The following CACUL1 variants were observed in gnomAD, a reference collection of about 807,000 sequenced individuals.
The protein encoded by CACUL1 is CDK2-associated and cullin domain-containing protein 1.
In CACUL1, 13 loss-of-function variants were observed where a neutral mutation model predicts 45.2. The ratio of observed to expected loss-of-function variants is 0.29; its 90% confidence interval spans 0.19 to 0.46. CACUL1 has a LOEUF of 0.46. Ranked by LOEUF, CACUL1 falls within the 20% of genes least tolerant of loss-of-function variation. The probability of loss-of-function intolerance (pLI) is 1.00; values close to 1 mark genes in which losing one functional copy is unlikely to be tolerated. For synonymous variants in CACUL1, 197 were observed against 174.2 expected (o/e 1.13, Z -1.03); for missense variants, 421 against 471.4 (o/e 0.89, Z 0.99).
chr10:118,716,823 C>T (rs1194573797), intron 3 of CACUL1, among the ~76,000 whole-genome samples: 1 of 152,070 alleles, frequency 6.6e-6, no homozygotes, highest in Non-Finnish European at 1.5e-5. Flanking sequence ...AGGGTGGTCT[C>T]GATCTCCTGA....
rs200617436 is a variant in CACUL1 at position 118,701,343 on chromosome 10, C to T, written c.759G>A (p.Thr253=). 2.5e-4 allele frequency: 386 copies of T among 1,574,310 alleles called. No homozygotes were observed. Among genetic ancestry groups the T allele is most frequent in the Non-Finnish European group, 1.0e-4 (115 of 1,151,100 alleles). Residue 253 remains threonine, a synonymous_variant, in exon 5 of 9, where the codon ACG becomes ACA. Transcript: ENST00000369151. ...DLKDDLIKLF[T]EHVAEKHIYS... is the part of the protein sequence containing the mutation. ...AAATGTGCTTTTCTGCAACATGTTC[C>T]GTAAACAGCTTTATAAGGTCATCTT...
chr10:118,694,521 G>C (rs1845301497), intron 6 of CACUL1, among the ~76,000 whole-genome samples: 1 of 151,874 alleles, frequency 6.6e-6, no homozygotes, highest in African/African-American at 2.4e-5. Context: ...ACATTTATAA[G>C]TTGCTAGACA....
chr10:118,694,891 TA>T, intron 6 of CACUL1: 1 of 335,088 alleles, frequency 3.0e-6, no homozygotes, highest in Non-Finnish European at 5.7e-6. Context: ...ATCCAAAGTG[TA>T]TCCTACAATT....
At chr10:118,746,123 G>T (rs1307441708) in intron 1 of CACUL1, among the ~76,000 whole-genome samples, 6 of 144,872 alleles carry the variant, frequency 4.1e-5, no homozygotes, top group African/African-American at 1.5e-4. Flanking sequence ...CTGCACTCCA[G>T]CCTGGGCAAC....
chr10:118,729,964 A>G (rs1158700082), intron 2 of CACUL1, among the ~76,000 whole-genome samples: 2 of 152,224 alleles, frequency 1.3e-5, no homozygotes, highest in Admixed American at 6.5e-5. Context: ...ATAAACACCA[A>G]CAGATTAAGG....
At position 118,703,786 on chromosome 10, in the gene CACUL1, T is replaced by C. The variant is rs531239008; in HGVS notation, c.694-2378A>G. Among the ~76,000 whole-genome samples the C allele has an allele frequency of 5.9e-5, 9 of 152,316 alleles. No individual in the cohort carries two copies. In the Middle Eastern group the frequency reaches 0.01, roughly 173 times the overall value. On this transcript the variant is annotated intron_variant, in intron 4 of 8. Transcript: ENST00000369151. ...GTAAGTTAGCGGAAAAAAAGTTATTTTATTTCTTAAATTGTGATATTGGGT... is the reference window on the plus strand; with the variant it reads ...GTAAGTTAGCGGAAAAAAAGTTATTCTATTTCTTAAATTGTGATATTGGGT...
chr10:118,739,542 C>G, intron 1 of CACUL1, among the ~76,000 whole-genome samples: 1 of 152,160 alleles, frequency 6.6e-6, no homozygotes, highest in East Asian at 1.9e-4. Context: ...CCCAAACTAT[C>G]AATCAAGTGT....
At position 118,749,646 on chromosome 10, in the gene CACUL1, A is replaced by G. The variant is rs116692275; in HGVS notation, c.367+4750T>C. ...CCTAGCCTTTTCCAATAGAACATGCAGGTATTTATTAGGGAGATAGTACAT... is the reference window on the plus strand; with the variant it reads ...CCTAGCCTTTTCCAATAGAACATGCGGGTATTTATTAGGGAGATAGTACAT... On this transcript the variant is annotated intron_variant, in intron 1 of 8. Coordinates refer to ENST00000369151, the MANE Select transcript of CACUL1 (RefSeq NM_153810.5). Among the ~76,000 whole-genome samples the G allele has an allele frequency of 5.8e-3, 888 of 152,346 alleles. 11 individuals are homozygous for G. Among genetic ancestry groups the G allele is most frequent in the African/African-American group, 0.019 (801 of 41,582 alleles).
intron 6 of CACUL1, among the ~76,000 whole-genome samples, chr10:118,694,715 G>T (rs1589603066): frequency 1.3e-5 from 2 of 152,256 alleles, no homozygotes; most frequent in East Asian, 3.9e-4. Context: ...TCTCTCCCCA[G>T]AACATCCTTA....
Position 118,686,449 on chromosome 10 carries a change from C to T in CACUL1, c.1069+149G>A, listed in dbSNP as rs1359435912. 9.8e-6 allele frequency: 7 copies of T among 711,280 alleles called. No homozygotes were observed. In the Admixed American group the frequency reaches 1.7e-4, roughly 18 times the overall value. 44.1% of individuals were successfully genotyped at this position (711,280 alleles called of 1,614,324 possible). Reference sequence around the variant, plus strand: ...TCGCTACCAGCTGGAGCTGCCACAGCATGCAAAGCATCCTGACCTTGATTA... The same window carrying T: ...TCGCTACCAGCTGGAGCTGCCACAGTATGCAAAGCATCCTGACCTTGATTA... On this transcript the variant is annotated intron_variant, in intron 8 of 8. Coordinates refer to ENST00000369151, the MANE Select transcript of CACUL1 (RefSeq NM_153810.5).
chr10:118,754,020 A>AG (rs1272225346), intron 1 of CACUL1, among the ~76,000 whole-genome samples: 3 of 152,208 alleles, frequency 2.0e-5, no homozygotes, highest in African/African-American at 7.2e-5. Flanking sequence ...AACGAGACTC[A>AG]GGCAGCCTTA....
At chr10:118,692,277 A>G (rs548851330) in intron 6 of CACUL1, 1 of 152,264 alleles carries the variant, frequency 6.6e-6, no homozygotes, top group African/African-American at 2.4e-5. Flanking sequence ...GTAAAAAAAA[A>G]AGTGGTTATC....
intron 3 of CACUL1, among the ~76,000 whole-genome samples, chr10:118,710,554 ATC>A (rs1207019932): frequency 1.3e-5 from 2 of 152,242 alleles, no homozygotes; most frequent in African/African-American, 4.8e-5. Flanking sequence ...CTACCTAACC[ATC>A]TCTCTCTGCA....
At position 118,676,631 on chromosome 10, in the gene CACUL1, C is replaced by T. The variant is rs544409252; in HGVS notation, c.*9497G>A. ...AAGTTGTTTTTATAAAGTGTTAAAA[C>T]TAGGAGTTTCAAAAATGACAAGCAT... On this transcript the variant is annotated 3_prime_UTR_variant, in exon 9 of 9. Coordinates refer to ENST00000369151, the MANE Select transcript of CACUL1 (RefSeq NM_153810.5). 1 of 152,224 alleles carries T rather than the reference C, an allele frequency of 6.6e-6. No individual in the cohort carries two copies. The highest frequency in any genetic ancestry group is 2.4e-5 in the African/African-American group (1 of 41,530). The allele number at this position is 152,224 out of a possible 1,614,324, so 9.4% of individuals were successfully genotyped here.
At chr10:118,697,459 G>GAT (rs1845334372) in intron 5 of CACUL1, among the ~76,000 whole-genome samples, 1 of 152,146 alleles carries the variant, frequency 6.6e-6, no homozygotes, top group African/African-American at 2.4e-5. Flanking sequence ...CACTAGAATA[G>GAT]ATAACTTCTA....
At chr10:118,705,638 A>C (rs1285239629) in intron 4 of CACUL1, among the ~76,000 whole-genome samples, 1 of 152,220 alleles carries the variant, frequency 6.6e-6, no homozygotes, top group East Asian at 1.9e-4. Flanking sequence ...TGTAACTTTC[A>C]GCAAGACCTT....
At chr10:118,712,550 G>A (rs1845497255) in intron 3 of CACUL1, among the ~76,000 whole-genome samples, 1 of 152,262 alleles carries the variant, frequency 6.6e-6, no homozygotes, top group South Asian at 2.1e-4. Context: ...AAGGTACGCA[G>A]ACAAGTGGAG....
rs1845180227 is a variant in CACUL1 at position 118,683,858 on chromosome 10, C to T, written c.*2270G>A. 1 of 151,980 alleles carries T rather than the reference C, an allele frequency of 6.6e-6. No homozygotes were observed. Among genetic ancestry groups the T allele is most frequent in the Non-Finnish European group, 1.5e-5 (1 of 67,928 alleles). 9.4% of individuals were successfully genotyped at this position (151,980 alleles called of 1,614,324 possible). A position where few individuals can be genotyped will look rare whatever the true frequency, so the allele number is the denominator to read the frequency against. ...AAAGTCTATTTCAACTTAAACAGGT[C>T]CTTCAAACTGTGATGTGCCTCAAGG... On this transcript the variant is annotated 3_prime_UTR_variant, in exon 9 of 9. Transcript: ENST00000369151.
chr10:118,748,999 C>A, intron 1 of CACUL1, among the ~76,000 whole-genome samples: 1 of 152,144 alleles, frequency 6.6e-6, no homozygotes, highest in East Asian at 1.9e-4. Flanking sequence ...TTACTTAGTA[C>A]GTGGAGAAAT....
Sources: allele counts gnomAD v4.1 joint callset (sites outside exome capture counted in the v4.1 genomes callset), GRCh38; gene constraint gnomAD v4.1.1; transcripts MANE v1.5; gene names NCBI Gene and HGNC (gene_info 2026-07-23, HGNC 2026-07-21).